Variants in ZNF385D observed in about 807,000 individuals in gnomAD.
ZNF385D encodes zinc finger protein 385D.
Under a neutral mutation model 35.8 loss-of-function variants are expected in ZNF385D, and 15 were observed. That is an observed-to-expected ratio of 0.42 (90% CI 0.28 to 0.64). ZNF385D has a LOEUF of 0.64. Among genes scored for constraint, ZNF385D ranks in the 30% least tolerant of loss-of-function variants. ZNF385D has a pLI of 0.23. For missense variants in ZNF385D, 474 were observed against 494.6 expected (o/e 0.96, Z 0.39); for synonymous variants, 212 against 186.8 (o/e 1.13, Z -1.10).
intron 3 of ZNF385D, among the ~76,000 whole-genome samples, chr3:22,092,818 G>C (rs1321648714): frequency 3.3e-5 from 5 of 151,738 alleles, no homozygotes; most frequent in African/African-American, 1.2e-4. Context: ...GATATTTTTA[G>C]TTTGAGAAAA....
At chr3:22,100,264 A>C (rs1701863134) in intron 3 of ZNF385D, among the ~76,000 whole-genome samples, 1 of 144,500 alleles carries the variant, frequency 6.9e-6, no homozygotes, top group South Asian at 2.4e-4. Context: ...CCATTGTGGA[A>C]GTCAGTGTGG....
At chr3:21,575,321 G>A (rs943993104) in intron 2 of ZNF385D, among the ~76,000 whole-genome samples, 3 of 151,954 alleles carry the variant, frequency 2.0e-5, no homozygotes, top group Admixed American at 6.6e-5. Context: ...AAAGTCTTAC[G>A]GTTACTTTGC....
At chr3:22,368,121 CTA>C (rs1322642407) in intron 2 of ZNF385D, among the ~76,000 whole-genome samples, 1 of 152,158 alleles carries the variant, frequency 6.6e-6, no homozygotes, top group Non-Finnish European at 1.5e-5. Flanking sequence ...AGAACTGTCC[CTA>C]TGTGTTGCAA....
intron 4 of ZNF385D, among the ~76,000 whole-genome samples, chr3:21,496,380 T>C (rs1467064373): frequency 6.8e-6 from 1 of 146,268 alleles, no homozygotes; most frequent in Admixed American, 6.9e-5. Context: ...ACACATATAT[T>C]TGATATATAT....
In ZNF385D at chr3:21,509,364, C is replaced by T. The variant is rs542412247; in HGVS notation, c.439+1497G>A. Among the ~76,000 whole-genome samples the T allele has an allele frequency of 1.6e-3, 241 of 152,228 alleles. 2 individuals are homozygous for T. Among genetic ancestry groups the T allele is most frequent in the Admixed American group, 2.6e-3 (40 of 15,286 alleles). ...ATGCCAGATGCTGCTTTGGGGATCC[C>T]CACCTGTGACCCAATATCCGGGAGC... On this transcript the variant is annotated intron_variant, in intron 4 of 7. Transcript: ENST00000281523.
At chr3:21,590,174 G>A (rs1382165) in intron 2 of ZNF385D, among the ~76,000 whole-genome samples, 80,299 of 151,990 alleles carry the variant, frequency 0.53, 21,442 homozygotes, top group East Asian at 0.59. Flanking sequence ...CAATAAGAAA[G>A]GAATGCAGCT....
At chr3:22,188,128 A>C (rs868274595) in intron 2 of ZNF385D, among the ~76,000 whole-genome samples, 2 of 152,188 alleles carry the variant, frequency 1.3e-5, no homozygotes, top group African/African-American at 4.8e-5. Context: ...GCAGAAACCT[A>C]ATTTTCAAAG....
rs1039539999 is a variant in ZNF385D at position 21,801,235 on chromosome 3, T to C, written c.326-136207A>G. Among the ~76,000 whole-genome samples the C allele has an allele frequency of 2.6e-5, 4 of 152,180 alleles. No individual in the cohort carries two copies. In the South Asian group the frequency reaches 8.3e-4, roughly 32 times the overall value. On this transcript the variant is annotated intron_variant, in intron 3 of 5. Coordinates refer to the ZNF385D transcript ENST00000494108. The stretch of plus-strand genomic sequence containing the variant: ...TTGGATTTGGTTTACTAGTACTTTC[T>C]TGAGGATTTTTGTGTGTGTCAGTAT...
At chr3:21,783,428 T>A (rs1268063249) in intron 3 of ZNF385D, among the ~76,000 whole-genome samples, 1 of 152,114 alleles carries the variant, frequency 6.6e-6, no homozygotes, top group African/African-American at 2.4e-5. Flanking sequence ...AACAGCACCT[T>A]CTCCTACGAA....
intron 3 of ZNF385D, among the ~76,000 whole-genome samples, chr3:21,828,673 C>T (rs933838324): frequency 1.3e-5 from 2 of 152,154 alleles, no homozygotes; most frequent in Admixed American, 1.3e-4. Flanking sequence ...CTTTTTGCTA[C>T]CCCAACAAAT....
chr3:21,545,766 C>T (rs573588512), intron 3 of ZNF385D, among the ~76,000 whole-genome samples: 16 of 152,316 alleles, frequency 1.1e-4, no homozygotes, highest in Non-Finnish European at 1.9e-4. Flanking sequence ...CCCTCCTCTA[C>T]ACAGTCCCTA....
chr3:21,882,947 A>G (rs1698354398), intron 3 of ZNF385D, among the ~76,000 whole-genome samples: 1 of 152,020 alleles, frequency 6.6e-6, no homozygotes, highest in South Asian at 2.1e-4. Flanking sequence ...TGCATTTAGA[A>G]TATTTACTCT....
intron 1 of ZNF385D, among the ~76,000 whole-genome samples, chr3:21,713,956 C>A (rs1222912947): frequency 2.6e-5 from 4 of 152,158 alleles, no homozygotes; most frequent in Non-Finnish European, 5.9e-5. Flanking sequence ...CAGCCCTTTA[C>A]CCTGTTCCTG....
intron 1 of ZNF385D, among the ~76,000 whole-genome samples, chr3:21,719,428 C>CTG (rs1470239795): frequency 2.0e-5 from 3 of 152,360 alleles, no homozygotes; most frequent in African/African-American, 7.2e-5. Context: ...AGCATTTGCA[C>CTG]TGTAATTGAG....
intron 2 of ZNF385D, among the ~76,000 whole-genome samples, chr3:22,224,355 T>C (rs1698434067): frequency 6.6e-6 from 1 of 152,170 alleles, no homozygotes; most frequent in Admixed American, 6.5e-5. Flanking sequence ...TGTATTTTAT[T>C]TGGATGAGTG....
At chr3:21,681,311 A>AAAAAAC (rs2066897153) in intron 1 of ZNF385D, among the ~76,000 whole-genome samples, 1 of 150,062 alleles carries the variant, frequency 6.7e-6, no homozygotes, top group African/African-American at 2.4e-5. Flanking sequence ...AAAAAAAAAA[A>AAAAAAC]AAAAAAAAAA....
chr3:21,796,592 C>T (rs113261885), intron 3 of ZNF385D, among the ~76,000 whole-genome samples: 2,015 of 152,190 alleles, frequency 0.013, 39 homozygotes, highest in African/African-American at 0.044. Context: ...GACCTTCAGA[C>T]CTTACACTTT....
At chr3:21,994,018 C>G (rs893694245) in intron 3 of ZNF385D, among the ~76,000 whole-genome samples, 2 of 152,330 alleles carry the variant, frequency 1.3e-5, no homozygotes, top group East Asian at 1.9e-4. Flanking sequence ...TTTCTCCTTT[C>G]CAAGACCCTT....
chr3:21,918,181 T>G (rs10865775), intron 3 of ZNF385D, among the ~76,000 whole-genome samples: 81,331 of 151,978 alleles, frequency 0.54, 23,825 homozygotes, highest in South Asian at 0.66. Context: ...CAATGGGGAA[T>G]ATGATTGAAA....
Sources: gnomAD v4.1 joint callset for allele counts (sites outside exome capture counted in the v4.1 genomes callset) on GRCh38, gnomAD v4.1.1 for gene constraint, MANE v1.5 for transcripts, NCBI Gene and HGNC (gene_info 2026-07-23, HGNC 2026-07-21) for gene names.